Variants in SLC5A12 observed in about 807,000 individuals in gnomAD.
SLC5A12 encodes the protein sodium-coupled monocarboxylate transporter 2.
In SLC5A12, 46 loss-of-function variants were observed where a neutral mutation model predicts 72.7. The observed-to-expected ratio is 0.63, with a 90% CI of 0.50 to 0.81. SLC5A12 has a LOEUF of 0.81. Ranked by LOEUF, SLC5A12 falls within the 30% of genes least tolerant of loss-of-function variation. The pLI is 0.00. For synonymous variants in SLC5A12, 275 were observed against 264.4 expected (o/e 1.04, Z -0.39); for missense variants, 683 against 740.7 (o/e 0.92, Z 0.90).
At chr11:26,712,956 C>A (rs1357657214) in intron 1 of SLC5A12, among the ~76,000 whole-genome samples, 1 of 152,060 alleles carries the variant, frequency 6.6e-6, no homozygotes, top group Non-Finnish European at 1.5e-5. Context: ...AATAAAAATT[C>A]AACTCTATTG....
intron 8 of SLC5A12, among the ~76,000 whole-genome samples, chr11:26,695,026 A>G (rs1279706344): frequency 6.6e-6 from 1 of 152,052 alleles, no homozygotes; most frequent in African/African-American, 2.4e-5. Context: ...ATTAAAAACA[A>G]AGAAAAAAAG....
chr11:26,702,250 A>G (rs893001841), intron 6 of SLC5A12, among the ~76,000 whole-genome samples: 2 of 152,232 alleles, frequency 1.3e-5, no homozygotes, highest in African/African-American at 2.4e-5. Flanking sequence ...TTACCAGTGA[A>G]TTGATGGAAC....
rs74374608 is a variant in SLC5A12, at chr11:26,714,422, T to C, written c.340-1716A>G. Among the ~76,000 whole-genome samples the C allele has an allele frequency of 2.1e-3, 316 of 152,220 alleles. 2 individuals carry two copies. The highest frequency in any genetic ancestry group is 7.0e-3 in the African/African-American group (293 of 41,570). ...ACTAATGGAAGTAAAGTTGCAATTG[T>C]GATATGTACTACAAGAGCTAAAAGT... On this transcript the variant is annotated intron_variant, in intron 1 of 14. Coordinates refer to ENST00000396005, the MANE Select transcript of SLC5A12 (RefSeq NM_178498.4).
At chr11:26,719,760 T>C (rs900174180) in intron 1 of SLC5A12, among the ~76,000 whole-genome samples, 1 of 152,206 alleles carries the variant, frequency 6.6e-6, no homozygotes, top group Non-Finnish European at 1.5e-5. Flanking sequence ...TCTATGAATA[T>C]GGACATTCTC....
chr11:26,688,105 C>A (rs1197703380), intron 9 of SLC5A12, among the ~76,000 whole-genome samples: 1 of 152,158 alleles, frequency 6.6e-6, no homozygotes, highest in Non-Finnish European at 1.5e-5. Flanking sequence ...TTGATTCAGT[C>A]CTCCCCACAA....
At chr11:26,713,401 C>T (rs755821764) in intron 1 of SLC5A12, among the ~76,000 whole-genome samples, 22 of 151,766 alleles carry the variant, frequency 1.4e-4, no homozygotes, top group Admixed American at 2.6e-4. Flanking sequence ...GCAGAACTCT[C>T]AATATAAGAG....
intron 6 of SLC5A12, among the ~76,000 whole-genome samples, chr11:26,703,044 G>A (rs1372518257): frequency 1.3e-5 from 2 of 152,080 alleles, no homozygotes; most frequent in Non-Finnish European, 2.9e-5. Context: ...TCCCTCAGTG[G>A]AGGCCTTCAG....
chr11:26,675,041 G>T (rs1410739192), intron 13 of SLC5A12, among the ~76,000 whole-genome samples: 1 of 152,190 alleles, frequency 6.6e-6, no homozygotes, highest in Non-Finnish European at 1.5e-5. Context: ...TGTGTGAGTG[G>T]CTGAGGAGGA....
chr11:26,693,893 TG>T (rs1468673069), intron 8 of SLC5A12, among the ~76,000 whole-genome samples: 1 of 152,170 alleles, frequency 6.6e-6, no homozygotes, highest in African/African-American at 2.4e-5. Context: ...ATGTGATCCC[TG>T]CCAGACTCCT....
In SLC5A12 at chr11:26,681,134, T is replaced by G. The variant is rs758539588; in HGVS notation, c.1396A>C (p.Thr466Pro). 3.7e-6 allele frequency: 6 copies of G among 1,611,792 alleles called. No individual in the cohort carries two copies. Among genetic ancestry groups the G allele is most frequent in the Non-Finnish European group, 5.1e-6 (6 of 1,178,944 alleles). Residue 466 changes from threonine (T) to proline (P), a missense_variant, in exon 12 of 15, where the codon ACA becomes CCA. Transcript: ENST00000396005. ...AFIYPAPASK[T>P]WPLPLSTDQC... ...TCTGTTGACAGAGGCAAAGGCCATG[T>G]CTTAGAGGCTGGTGCAGGGTAAATG...
chr11:26,705,969 CACACACACACTTACCT>C (rs1855079274), intron 4 of SLC5A12, among the ~76,000 whole-genome samples: 1 of 135,986 alleles, frequency 7.4e-6, no homozygotes, highest in African/African-American at 3.1e-5. Context: ...CACACACACA[CACACACACACTTACCT>C]TCTTTAATAC....
chr11:26,699,337 T>C (rs980895985), intron 6 of SLC5A12, among the ~76,000 whole-genome samples: 29 of 152,186 alleles, frequency 1.9e-4, no homozygotes, highest in African/African-American at 6.8e-4. Context: ...ATCTAGTCAT[T>C]GTTTGAAGGG....
At chr11:26,692,251 T>C (rs1854697414) in intron 9 of SLC5A12, 1 of 401,208 alleles carries the variant, frequency 2.5e-6, no homozygotes, top group African/African-American at 2.1e-5. Flanking sequence ...GTCTAGAGTG[T>C]AGGGTAAGTA....
At chr11:26,680,965 T>C (rs1640399731) in intron 12 of SLC5A12, 90 bp downstream of exon 12, 5 of 1,214,034 alleles carry the variant, frequency 4.1e-6, no homozygotes, top group Admixed American at 2.7e-5. Context: ...ACAAGATATG[T>C]CTCATCACAC....
chr11:26,701,180 C>T (rs1854949864), intron 6 of SLC5A12, among the ~76,000 whole-genome samples: 1 of 152,188 alleles, frequency 6.6e-6, no homozygotes, highest in African/African-American at 2.4e-5. Context: ...AATCTCCCCT[C>T]CAGCTCTGTG....
intron 6 of SLC5A12, 95 bp from the exon 7 acceptor site, chr11:26,698,630 C>A: frequency 8.4e-7 from 1 of 1,185,878 alleles, no homozygotes; most frequent in Non-Finnish European, 1.1e-6. Flanking sequence ...GGTTTTGGGT[C>A]TTTTTGCTAG....
chr11:26,692,533 G>A lies in SLC5A12; in HGVS notation c.1109C>T (p.Pro370Leu), dbSNP rs951088750. 9 of 1,613,888 alleles carry A rather than the reference G, an allele frequency of 5.6e-6. No individual in the cohort carries two copies. The African/African-American group carries it at 8.0e-5, about 14-fold the overall frequency. Residue 370 changes from proline to leucine, a missense_variant, in exon 9 of 15, where the codon CCT becomes CTT. Physicochemically the swap from Pro to Leu is moderately conservative, Grantham distance 98. Coordinates refer to ENST00000396005, the MANE Select transcript of SLC5A12 (RefSeq NM_178498.4). The stretch of plus-strand genomic sequence containing the variant: ...GGTGCTCAGCTTGTCGGAGAGATGA[G>A]GAAAACAGCTCTTGACAAAATCCTC... ...TFEDFVKSCF[P>L]HLSDKLSTWI...
intron 6 of SLC5A12, among the ~76,000 whole-genome samples, chr11:26,702,210 T>C (rs7127690): frequency 0.038 from 5,780 of 152,262 alleles, 362 homozygotes; most frequent in African/African-American, 0.13. Flanking sequence ...TTTGTTACAA[T>C]ATTATTTATT....
chr11:26,697,483 C>A (rs1270024183), intron 7 of SLC5A12, among the ~76,000 whole-genome samples: 1 of 152,068 alleles, frequency 6.6e-6, no homozygotes, highest in Non-Finnish European at 1.5e-5. Flanking sequence ...AATCAAGCCC[C>A]TAAAAGAAGA....
Sources: allele counts gnomAD v4.1 joint callset (sites outside exome capture counted in the v4.1 genomes callset), GRCh38; gene constraint gnomAD v4.1.1; transcripts MANE v1.5; gene names NCBI Gene and HGNC (gene_info 2026-07-23, HGNC 2026-07-21).